The following SYNDIG1 variants were observed in gnomAD, a reference collection of about 807,000 sequenced individuals.
SYNDIG1 encodes synapse differentiation inducing 1.
A neutral mutation model predicts 19.4 loss-of-function variants in SYNDIG1; 9 were observed. The observed-to-expected ratio is 0.46, with a 90% CI of 0.28 to 0.81. The LOEUF is 0.81. Among genes scored for constraint, SYNDIG1 ranks in the 30% least tolerant of loss-of-function variants. SYNDIG1 has a pLI of 0.12. For missense variants in SYNDIG1, 311 were observed against 343.3 expected (o/e 0.91, Z 0.74); for synonymous variants, 141 against 145.9 (o/e 0.97, Z 0.24).
At chr20:24,565,021 CCTGCTATTGTTCA>C (rs1307732704) in intron 2 of SYNDIG1, among the ~76,000 whole-genome samples, 1 of 152,150 alleles carries the variant, frequency 6.6e-6, no homozygotes, top group African/African-American at 2.4e-5. Flanking sequence ...AAATGAGGTA[CCTGCTATTGTTCA>C]CTGGTGTTCA....
intron 2 of SYNDIG1, among the ~76,000 whole-genome samples, chr20:24,548,730 G>A (rs1023970993): frequency 6.6e-6 from 1 of 152,260 alleles, no homozygotes; most frequent in Non-Finnish European, 1.5e-5. Flanking sequence ...CATAGCACTG[G>A]CCAGAACCTC....
intron 1 of SYNDIG1, among the ~76,000 whole-genome samples, chr20:24,473,000 C>A (rs1236522974): frequency 6.6e-6 from 1 of 152,210 alleles, no homozygotes; most frequent in Admixed American, 6.5e-5. Flanking sequence ...TCCAGCTTGA[C>A]CCTGTGCCCC....
chr20:24,516,328 A>C (rs923634774), intron 1 of SYNDIG1, among the ~76,000 whole-genome samples: 7 of 152,238 alleles, frequency 4.6e-5, no homozygotes, highest in Non-Finnish European at 1.0e-4. Flanking sequence ...CAAAATTGAC[A>C]AATGGAATCT....
intron 3 of SYNDIG1, among the ~76,000 whole-genome samples, chr20:24,618,865 T>C (rs73902787): frequency 0.012 from 1,868 of 152,302 alleles, 42 homozygotes; most frequent in African/African-American, 0.043. Context: ...GTTGTTGTTG[T>C]TTCAGATATG....
intron 3 of SYNDIG1, among the ~76,000 whole-genome samples, chr20:24,663,639 G>A (rs185894973): frequency 2.0e-5 from 3 of 152,190 alleles, no homozygotes; most frequent in Non-Finnish European, 4.4e-5. Context: ...CAACTATTCC[G>A]CAAGTGGGTA....
At chr20:24,506,788 C>G (rs1327132049) in intron 1 of SYNDIG1, among the ~76,000 whole-genome samples, 2 of 152,180 alleles carry the variant, frequency 1.3e-5, no homozygotes, top group Non-Finnish European at 2.9e-5. Flanking sequence ...CCAGGCAGTC[C>G]CACATCGGTT....
intron 3 of SYNDIG1, among the ~76,000 whole-genome samples, chr20:24,599,219 G>C (rs572925111): frequency 6.6e-6 from 1 of 152,118 alleles, no homozygotes; most frequent in Non-Finnish European, 1.5e-5. Flanking sequence ...ACTGCTAACA[G>C]ATGTATGAAA....
intron 3 of SYNDIG1, among the ~76,000 whole-genome samples, chr20:24,636,076 G>T (rs1469690012): frequency 1.3e-5 from 2 of 152,118 alleles, no homozygotes; most frequent in Non-Finnish European, 2.9e-5. Context: ...CTGGACTTTG[G>T]GGGGGCTCTA....
chr20:24,580,769 C>G (rs1051885221), intron 2 of SYNDIG1, among the ~76,000 whole-genome samples: 2 of 152,146 alleles, frequency 1.3e-5, no homozygotes, highest in African/African-American at 4.8e-5. Flanking sequence ...CATCTAGCCT[C>G]AGCTTGGTAA....
At chr20:24,609,153 C>T (rs115883240) in intron 3 of SYNDIG1, among the ~76,000 whole-genome samples, 1,593 of 152,318 alleles carry the variant, frequency 0.01, 35 homozygotes, top group African/African-American at 0.036. Context: ...CCATGCTTCA[C>T]TACTCTGGAG....
intron 3 of SYNDIG1, among the ~76,000 whole-genome samples, chr20:24,591,796 C>T (rs989179776): frequency 1.3e-5 from 2 of 152,150 alleles, no homozygotes; most frequent in Admixed American, 6.5e-5. Context: ...AGCCAGGATT[C>T]GGTGCCCCCA....
intron 1 of SYNDIG1, among the ~76,000 whole-genome samples, chr20:24,542,354 G>T (rs530554242): frequency 1.1e-4 from 16 of 152,278 alleles, no homozygotes; most frequent in African/African-American, 3.6e-4. Flanking sequence ...CATCAGCTGG[G>T]ATCGTGTTAA....
chr20:24,664,223 C>T (rs555198687), intron 3 of SYNDIG1, among the ~76,000 whole-genome samples: 1 of 152,298 alleles, frequency 6.6e-6, no homozygotes, highest in African/African-American at 2.4e-5. Context: ...AGGTTCACGT[C>T]ATGAGCCATC....
chr20:24,650,204 C>T (rs907783027), intron 3 of SYNDIG1, among the ~76,000 whole-genome samples: 1 of 152,240 alleles, frequency 6.6e-6, no homozygotes, highest in Non-Finnish European at 1.5e-5. Context: ...TATAACGTGT[C>T]ATCCTGACCA....
At chr20:24,622,172 T>A (rs2059049547) in intron 3 of SYNDIG1, among the ~76,000 whole-genome samples, 1 of 152,120 alleles carries the variant, frequency 6.6e-6, no homozygotes, top group South Asian at 2.1e-4. Context: ...AGAAAATGGA[T>A]GTCAGCAGAA....
intron 2 of SYNDIG1, among the ~76,000 whole-genome samples, chr20:24,569,883 A>C (rs1003514324): frequency 6.6e-6 from 1 of 152,160 alleles, no homozygotes; most frequent in Non-Finnish European, 1.5e-5. Flanking sequence ...TAGTTGTAGA[A>C]CCTAAGTGAT....
chr20:24,546,423 G>A (rs772097335), intron 2 of SYNDIG1, among the ~76,000 whole-genome samples: 5 of 152,212 alleles, frequency 3.3e-5, no homozygotes, highest in Non-Finnish European at 7.3e-5. Flanking sequence ...TCAGCTGGGT[G>A]ATTGTTCTGC....
intron 2 of SYNDIG1, among the ~76,000 whole-genome samples, chr20:24,581,123 A>G (rs2058315180): frequency 6.6e-6 from 1 of 152,108 alleles, no homozygotes; most frequent in Admixed American, 6.5e-5. Flanking sequence ...TGTGCAGCCA[A>G]AGCAGCCATG....
intron 3 of SYNDIG1, among the ~76,000 whole-genome samples, chr20:24,656,448 G>A (rs1293330678): frequency 6.6e-6 from 1 of 152,186 alleles, no homozygotes; most frequent in East Asian, 1.9e-4. Flanking sequence ...GTGGTGCCCT[G>A]AGGAAAGCAG....
Sources: allele counts gnomAD v4.1 joint callset (sites outside exome capture counted in the v4.1 genomes callset), GRCh38; gene constraint gnomAD v4.1.1; transcripts MANE v1.5; gene names NCBI Gene and HGNC (gene_info 2026-07-23, HGNC 2026-07-21).